Variants in LRP1B observed in about 807,000 individuals in gnomAD.
The protein encoded by LRP1B is LDL receptor related protein 1B.
In LRP1B, 217 loss-of-function variants were observed where a neutral mutation model predicts 556.6. The observed-to-expected ratio is 0.39, with a 90% CI of 0.35 to 0.44. The LOEUF (loss-of-function observed/expected upper bound fraction) is 0.44, where lower values mean the gene tolerates loss of function less well. Ranked by LOEUF, LRP1B falls within the 20% of genes least tolerant of loss-of-function variation. The pLI, the probability that LRP1B is intolerant of heterozygous loss-of-function variation, is 1.00. For missense variants in LRP1B, 5,053 were observed against 5,620.8 expected, an observed-to-expected ratio of 0.90 and a Z score of 3.23; for synonymous variants, 2,047 against 1,865.8, an observed-to-expected ratio of 1.10 and a Z score of -2.50.
chr2:140,769,681 A>G (rs1001788332), intron 34 of LRP1B, among the ~76,000 whole-genome samples: 1 of 151,922 alleles, frequency 6.6e-6, no homozygotes, highest in African/African-American at 2.4e-5. Context: ...TTTCATAAGC[A>G]CTGAGTTAGA....
chr2:141,390,987 C>G (rs1023026047), intron 3 of LRP1B, among the ~76,000 whole-genome samples: 1 of 152,042 alleles, frequency 6.6e-6, no homozygotes, highest in Admixed American at 6.6e-5. Flanking sequence ...TTCACACTTA[C>G]TTCTCTGTGG....
intron 2 of LRP1B, among the ~76,000 whole-genome samples, chr2:141,534,585 A>C (rs1158760974): frequency 1.3e-5 from 2 of 152,098 alleles, no homozygotes; most frequent in Non-Finnish European, 2.9e-5. Flanking sequence ...TTTCCAGCTC[A>C]ACACACACAG....
chr2:140,876,379 T>C (rs567912704), intron 25 of LRP1B, among the ~76,000 whole-genome samples: 1 of 152,306 alleles, frequency 6.6e-6, no homozygotes, highest in African/African-American at 2.4e-5. Flanking sequence ...GTGAGTATTG[T>C]TAGCTTATGG....
At chr2:140,328,476 GAAA>G (rs71408448) in intron 79 of LRP1B, among the ~76,000 whole-genome samples, 3 of 141,418 alleles carry the variant, frequency 2.1e-5, no homozygotes, top group African/African-American at 8.0e-5. Flanking sequence ...GAAAATGAAA[GAAA>G]AAAAAAAAGA....
At chr2:141,605,861 C>T (rs1486190514) in intron 2 of LRP1B, among the ~76,000 whole-genome samples, 1 of 151,940 alleles carries the variant, frequency 6.6e-6, no homozygotes, top group African/African-American at 2.4e-5. Flanking sequence ...ATATGTTTTT[C>T]TTTCCGTCTT....
chr2:140,606,335 C>A (rs1056321501), intron 41 of LRP1B, among the ~76,000 whole-genome samples: 1 of 151,716 alleles, frequency 6.6e-6, no homozygotes, highest in Non-Finnish European at 1.5e-5. Flanking sequence ...AAAACATATG[C>A]ACCCAAACTA....
chr2:141,879,104 ATATT>A lies in LRP1B; in HGVS notation c.83-68707_83-68704del, dbSNP rs556689990. 3.9e-3 allele frequency among the ~76,000 whole-genome samples: 587 copies of A among 152,044 alleles called. 4 individuals are homozygous for A. The highest frequency in any genetic ancestry group is 0.013 in the African/African-American group (559 of 41,554). On this transcript the variant is annotated intron_variant, in intron 1 of 90. Transcript: ENST00000389484. Reference sequence around the variant, plus strand: ...CAATATAATTATGATAAATCAAAATATATTTATTTACATGCATAAAATATAGGAA... The same window carrying A: ...CAATATAATTATGATAAATCAAAATATATTTACATGCATAAAATATAGGAA...
intron 2 of LRP1B, 38 bp from the exon 3 acceptor site, chr2:141,480,571 C>T (rs2105090609): frequency 1.2e-6 from 2 of 1,608,600 alleles, no homozygotes; most frequent in South Asian, 1.1e-5. Flanking sequence ...TATGTGTTAG[C>T]TTTTCTAAAT....
At chr2:141,971,616 G>A (rs1449831137) in intron 1 of LRP1B, among the ~76,000 whole-genome samples, 1 of 151,506 alleles carries the variant, frequency 6.6e-6, no homozygotes, top group African/African-American at 2.4e-5. Flanking sequence ...AGGTGAATGA[G>A]TGGGTATGAT....
At chr2:140,688,876 C>T (rs1246550352) in intron 41 of LRP1B, among the ~76,000 whole-genome samples, 1 of 152,174 alleles carries the variant, frequency 6.6e-6, no homozygotes. Flanking sequence ...CATCCAGCAC[C>T]ATCTGACCCA....
At chr2:141,442,781 C>T (rs1021174973) in intron 3 of LRP1B, among the ~76,000 whole-genome samples, 4 of 152,086 alleles carry the variant, frequency 2.6e-5, no homozygotes, top group African/African-American at 7.2e-5. Context: ...ATGGCTACAT[C>T]GTATTCCATG....
At chr2:141,916,348 C>CTTATTTATTTATTTATTTAT (rs61643665) in intron 1 of LRP1B, among the ~76,000 whole-genome samples, 5,030 of 141,814 alleles carry the variant, frequency 0.035, 130 homozygotes, top group East Asian at 0.058. Context: ...CACGTTTTCA[C>CTTATTTATTTATTTATTTAT]TTATTTATTT....
In LRP1B at chr2:140,557,645, G is replaced by T. The variant is rs953404605; in HGVS notation, c.7195-15674C>A. 4.6e-5 allele frequency among the ~76,000 whole-genome samples: 7 copies of T among 152,104 alleles called. No individual in the cohort carries two copies. The East Asian group carries it at 1.4e-3, about 29-fold the overall frequency. Reference sequence around the variant, plus strand: ...CTAGCCACAAATGCATCAGGATTATGCCTCAAATGCATCAAACACATATAA... The same window carrying T: ...CTAGCCACAAATGCATCAGGATTATTCCTCAAATGCATCAAACACATATAA... On this transcript the variant is annotated intron_variant, in intron 43 of 90. Transcript: ENST00000389484.
intron 1 of LRP1B, among the ~76,000 whole-genome samples, chr2:141,908,240 C>T (rs973849962): frequency 6.6e-6 from 1 of 151,970 alleles, no homozygotes; most frequent in Non-Finnish European, 1.5e-5. Context: ...TCTGCCTTCT[C>T]GTGTTCTTAA....
intron 43 of LRP1B, among the ~76,000 whole-genome samples, chr2:140,542,369 T>C (rs1295767847): frequency 6.6e-6 from 1 of 152,064 alleles, no homozygotes; most frequent in East Asian, 1.9e-4. Flanking sequence ...GAACTACATA[T>C]GGCATATAAA....
chr2:140,804,762 A>G (rs1436137334), intron 32 of LRP1B, among the ~76,000 whole-genome samples: 89 of 150,212 alleles, frequency 5.9e-4, no homozygotes, highest in Non-Finnish European at 1.6e-4. Context: ...TCTAGAGGGA[A>G]CATTTGAAAC....
chr2:141,413,109 A>G (rs904815999), intron 3 of LRP1B, among the ~76,000 whole-genome samples: 10 of 152,112 alleles, frequency 6.6e-5, no homozygotes, highest in Admixed American at 1.3e-4. Flanking sequence ...CACCCATAGG[A>G]CTAGCTACTT....
chr2:141,850,622 C>CTGTGTGTGTGTG (rs70994458), intron 1 of LRP1B, among the ~76,000 whole-genome samples: 1,949 of 141,140 alleles, frequency 0.014, 12 homozygotes, highest in Middle Eastern at 0.018. Context: ...AGCATAAACT[C>CTGTGTGTGTGTG]TGTGTGTGTG....
At chr2:141,749,749 T>C (rs896380435) in intron 2 of LRP1B, among the ~76,000 whole-genome samples, 1 of 152,056 alleles carries the variant, frequency 6.6e-6, no homozygotes, top group East Asian at 1.9e-4. Flanking sequence ...CTGGTCCATA[T>C]ACATATGTAT....
Sources: allele counts gnomAD v4.1 joint callset (sites outside exome capture counted in the v4.1 genomes callset), GRCh38; gene constraint gnomAD v4.1.1; transcripts MANE v1.5; gene names NCBI Gene and HGNC (gene_info 2026-07-23, HGNC 2026-07-21).